Variants in SDK1 observed in about 807,000 individuals in gnomAD.
SDK1 encodes sidekick cell adhesion molecule 1, also known as protein sidekick-1.
In SDK1, 157 loss-of-function variants were observed where a neutral mutation model predicts 245.5. The ratio of observed to expected loss-of-function variants is 0.64; its 90% CI spans 0.56 to 0.73. SDK1 has a LOEUF of 0.73. SDK1 is among the 30% of genes least tolerant of loss of function. SDK1 has a pLI of 0.00. For missense variants in SDK1, 3,583 were observed against 3,002.3 expected (o/e 1.19, Z -4.52); for synonymous variants, 1,647 against 1,278.5 (o/e 1.29, Z -6.15).
intron 14 of SDK1, among the ~76,000 whole-genome samples, chr7:3,988,179 A>G (rs1784026782): frequency 7.3e-6 from 1 of 136,188 alleles, no homozygotes; most frequent in Non-Finnish European, 1.6e-5. Context: ...GCAGCCACCC[A>G]AATCTCTGCT....
chr7:4,267,431 G>A lies in SDK1; in HGVS notation c.*2047G>A. On this transcript the variant is annotated 3_prime_UTR_variant, in exon 45 of 45. Transcript: ENST00000404826. ...TCTGCCCAAAGCCACTTCTGCATGA[G>A]AATCGCAACCCACAGTTCCCCGGAT... 3.0e-6 allele frequency: 3 copies of A among 985,384 alleles called. No homozygotes were observed. Among genetic ancestry groups the A allele is most frequent in the South Asian group, 9.4e-5 (2 of 21,278 alleles). The allele number at this position is 985,384 out of a possible 1,614,324, so 61.0% of individuals were successfully genotyped here.
intron 42 of SDK1, among the ~76,000 whole-genome samples, chr7:4,239,044 G>A (rs1021546911): frequency 6.6e-6 from 1 of 152,192 alleles, no homozygotes; most frequent in African/African-American, 2.4e-5. Context: ...GCCTGTGTCC[G>A]TGGTCTAGCT....
intron 4 of SDK1, among the ~76,000 whole-genome samples, chr7:3,759,957 C>T (rs1036089271): frequency 2.0e-5 from 3 of 152,098 alleles, no homozygotes; most frequent in Non-Finnish European, 1.5e-5. Context: ...TATATATTTC[C>T]TTTTCCCATC....
At chr7:3,766,381 ATGAT>A (rs1399145708) in intron 4 of SDK1, among the ~76,000 whole-genome samples, 11 of 152,246 alleles carry the variant, frequency 7.2e-5, no homozygotes, top group African/African-American at 2.7e-4. Context: ...AAAAAGCAGA[ATGAT>A]AACTAAAAAT....
At chr7:3,833,804 A>G (rs1443046398) in intron 5 of SDK1, among the ~76,000 whole-genome samples, 2 of 152,218 alleles carry the variant, frequency 1.3e-5, no homozygotes, top group Non-Finnish European at 2.9e-5. Flanking sequence ...AGTGTTTGTA[A>G]AAACCATGAC....
At chr7:4,242,891 G>T (rs184712511) in intron 43 of SDK1, among the ~76,000 whole-genome samples, 2 of 152,152 alleles carry the variant, frequency 1.3e-5, no homozygotes, top group African/African-American at 4.8e-5. Flanking sequence ...GCCGAGGCAC[G>T]GGTGGGCCTT....
chr7:3,973,897 T>C (rs1253663696), intron 12 of SDK1, among the ~76,000 whole-genome samples: 2 of 152,058 alleles, frequency 1.3e-5, no homozygotes, highest in Non-Finnish European at 2.9e-5. Context: ...ATTCACTCTT[T>C]TAGGCCAAGT....
chr7:3,514,844 A>G (rs568528270), intron 1 of SDK1, among the ~76,000 whole-genome samples: 94 of 152,310 alleles, frequency 6.2e-4, no homozygotes, highest in African/African-American at 2.1e-3. Context: ...CAGTGTAACA[A>G]TCTTTGCCCC....
intron 4 of SDK1, among the ~76,000 whole-genome samples, chr7:3,748,483 G>A (rs576155609): frequency 2.1e-3 from 327 of 152,266 alleles, no homozygotes; most frequent in African/African-American, 7.4e-3. Context: ...GTCCAGTGTT[G>A]GCTTTTGTCC....
At chr7:4,232,407 C>CTTTTTTTTTTTT (rs201396862) in intron 40 of SDK1, among the ~76,000 whole-genome samples, 120 of 73,138 alleles carry the variant, frequency 1.6e-3, no homozygotes, top group Non-Finnish European at 2.0e-3. Context: ...CTTTTCTTTT[C>CTTTTTTTTTTTT]TTTCTTTTTT....
chr7:3,555,636 C>T (rs1583161472), intron 1 of SDK1, among the ~76,000 whole-genome samples: 1 of 152,042 alleles, frequency 6.6e-6, no homozygotes, highest in Non-Finnish European at 1.5e-5. Flanking sequence ...AGCAAAGAGA[C>T]AATTCAGTGG....
intron 5 of SDK1, among the ~76,000 whole-genome samples, chr7:3,901,788 G>A (rs1425710736): frequency 6.6e-6 from 1 of 152,198 alleles, no homozygotes. Flanking sequence ...TATTAGGTTA[G>A]TCTTCTTCTG....
At chr7:4,191,762 T>C (rs980487178) in intron 35 of SDK1, among the ~76,000 whole-genome samples, 2 of 152,204 alleles carry the variant, frequency 1.3e-5, no homozygotes, top group Non-Finnish European at 2.9e-5. Context: ...GACAGGGGGC[T>C]GCAGGTGGGC....
At chr7:4,050,055 C>T (rs1789329343) in intron 18 of SDK1, among the ~76,000 whole-genome samples, 1 of 152,176 alleles carries the variant, frequency 6.6e-6, no homozygotes, top group African/African-American at 2.4e-5. Context: ...CACAGCTGAT[C>T]CTCCCTTTCA....
intron 44 of SDK1, among the ~76,000 whole-genome samples, chr7:4,250,758 C>T (rs940087194): frequency 5.3e-5 from 8 of 152,204 alleles, no homozygotes; most frequent in Non-Finnish European, 1.0e-4. Context: ...CAACCCCACT[C>T]TAGTCAGAAT....
chr7:4,125,116 G>A (rs904685508), intron 25 of SDK1, among the ~76,000 whole-genome samples: 12 of 144,246 alleles, frequency 8.3e-5, no homozygotes, highest in Admixed American at 7.8e-4. Flanking sequence ...GGATGGATGG[G>A]TGAATGGATG....
intron 31 of SDK1, among the ~76,000 whole-genome samples, chr7:4,160,512 A>G (rs1435103824): frequency 6.6e-6 from 1 of 152,108 alleles, no homozygotes; most frequent in Non-Finnish European, 1.5e-5. Context: ...GTTGCATTGT[A>G]TTTGTGTTGT....
chr7:4,216,473 C>G (rs1366990401), intron 38 of SDK1, among the ~76,000 whole-genome samples: 1 of 152,246 alleles, frequency 6.6e-6, no homozygotes, highest in Non-Finnish European at 1.5e-5. Flanking sequence ...AACCCTTTCA[C>G]TATTGCATCA....
intron 20 of SDK1, among the ~76,000 whole-genome samples, chr7:4,071,692 C>T (rs1268780578): frequency 6.6e-6 from 1 of 152,182 alleles, no homozygotes; most frequent in Non-Finnish European, 1.5e-5. Flanking sequence ...GGCTACCATT[C>T]GGAAGAAGAA....
Sources: gnomAD v4.1 joint callset for allele counts (sites outside exome capture counted in the v4.1 genomes callset) on GRCh38, gnomAD v4.1.1 for gene constraint, MANE v1.5 for transcripts, NCBI Gene and HGNC (gene_info 2026-07-23, HGNC 2026-07-21) for gene names.